Variants in SEMA5B observed in about 807,000 individuals in gnomAD.
The protein encoded by SEMA5B is semaphorin-5B.
SEMA5B carries 66 observed loss-of-function variants against 135.0 expected under a neutral mutation model. The ratio of observed to expected loss-of-function variants is 0.49; its 90% CI spans 0.40 to 0.60. The LOEUF (loss-of-function observed/expected upper bound fraction) is 0.60, where lower values mean the gene tolerates loss of function less well. Ranked by LOEUF, SEMA5B falls within the 20% of genes least tolerant of loss-of-function variation. The pLI is 0.00. For missense variants in SEMA5B, 1,501 were observed against 1,566.3 expected (o/e 0.96, Z 0.70); for synonymous variants, 690 against 639.5 (o/e 1.08, Z -1.19).
upstream of SEMA5B, among the ~76,000 whole-genome samples, chr3:123,028,139 G>A (rs534372322): frequency 3.6e-4 from 55 of 152,286 alleles, no homozygotes; most frequent in South Asian, 1.5e-3. Flanking sequence ...CCATCGGCGC[G>A]GCCTGCCCAC....
rs759584467 is a variant in SEMA5B, at chr3:122,916,180, G to C, written c.1689-290C>G. Among the ~76,000 whole-genome samples, 6 of 152,186 alleles carry C rather than the reference G, an allele frequency of 3.9e-5. 1 individual carries two copies. The highest frequency in any genetic ancestry group is 3.2e-3 in the Middle Eastern group (1 of 316). On this transcript the variant is annotated intron_variant, in intron 12 of 22. Transcript: ENST00000357599. ...CCAGGACTCAAACCCTCATCCTCCA[G>C]AGACTGCACGTTTAAAAGAGACGGC...
At chr3:122,954,325 G>T (rs1336055449) in intron 2 of SEMA5B, among the ~76,000 whole-genome samples, 1 of 152,228 alleles carries the variant, frequency 6.6e-6, no homozygotes, top group Non-Finnish European at 1.5e-5. Context: ...CCCTGTTCCA[G>T]CCCTTTCCTG....
At chr3:123,023,012 G>C (rs1457264084) in intron 1 of SEMA5B, among the ~76,000 whole-genome samples, 3 of 152,178 alleles carry the variant, frequency 2.0e-5, no homozygotes, top group Admixed American at 2.0e-4. Flanking sequence ...TTACCCATTA[G>C]AGGATCATCT....
intron 5 of SEMA5B, among the ~76,000 whole-genome samples, chr3:122,938,315 G>A (rs1016359208): frequency 3.3e-5 from 5 of 152,170 alleles, no homozygotes; most frequent in African/African-American, 4.8e-5. Context: ...TGGATAGAAG[G>A]ACAGATGGAC....
intron 2 of SEMA5B, among the ~76,000 whole-genome samples, chr3:122,960,007 C>T (rs1439749999): frequency 6.6e-6 from 1 of 152,190 alleles, no homozygotes; most frequent in East Asian, 1.9e-4. Flanking sequence ...GAGTAGCCTC[C>T]TTTTCCTCCT....
chr3:122,913,278 C>A lies in SEMA5B; in HGVS notation c.2427G>T (p.Pro809=), dbSNP rs767578964. The A allele has an allele frequency of 1.9e-6, 3 of 1,583,182 alleles. No homozygotes were observed. The Admixed American group carries it at 5.2e-5, about 27-fold the overall frequency. The change falls in exon 17 of 23, where the codon CCG becomes CCT. Residue 809 remains proline, a synonymous_variant. Transcript: ENST00000357599. The stretch of plus-strand genomic sequence containing the variant: ...TTCTCCTGCCGAACTGCAGGCCGTG[C>A]GGGTCTGCAAGGGGCGCGCGGCAGG... The part of the protein sequence containing the change: ...RFTCRAPLAD[P]HGLQFGRRRT...
At chr3:123,022,015 C>T (rs1027468570) in intron 1 of SEMA5B, among the ~76,000 whole-genome samples, 1 of 152,126 alleles carries the variant, frequency 6.6e-6, no homozygotes, top group African/African-American at 2.4e-5. Flanking sequence ...CACAAAGAAT[C>T]CACAGAAAAG....
rs1277731715 is a variant in SEMA5B at position 122,913,414 on chromosome 3, G to A, written c.2291C>T (p.Thr764Met). The change falls in exon 17 of 23, where the codon ACG (threonine) becomes ATG (methionine). Residue 764 changes from threonine to methionine, a missense_variant. This residue lies in a region of SEMA5B where 927 missense variants were observed against 881.6 expected (regional missense o/e 1.05). Coordinates refer to ENST00000357599, the MANE Select transcript of SEMA5B (RefSeq NM_001031702.4). ...TTCGGGGCAGCCCTCGGGGTTGCAC[G>A]TCTTGAACTCCTGCGGGTGGCGGCA... ...SCLGCGVEFK[T>M]CNPEGCPEVR... 3.2e-6 allele frequency: 5 copies of A among 1,570,884 alleles called. No individual in the cohort carries two copies. Among genetic ancestry groups the A allele is most frequent in the Non-Finnish European group, 4.3e-6 (5 of 1,162,428 alleles).
At chr3:122,920,487 G>A (rs895687358) in intron 12 of SEMA5B, among the ~76,000 whole-genome samples, 2 of 152,198 alleles carry the variant, frequency 1.3e-5, no homozygotes, top group Non-Finnish European at 2.9e-5. Flanking sequence ...CTAGGAGGCT[G>A]GAGGGCTCCT....
chr3:123,002,651 T>C (rs536814543), intron 1 of SEMA5B, among the ~76,000 whole-genome samples: 3 of 152,222 alleles, frequency 2.0e-5, no homozygotes, highest in Non-Finnish European at 2.9e-5. Context: ...AAGTAGCCTC[T>C]TGAAGCCCCG....
chr3:122,995,412 C>CT (rs1942001167), intron 1 of SEMA5B, among the ~76,000 whole-genome samples: 1 of 152,172 alleles, frequency 6.6e-6, no homozygotes, highest in Non-Finnish European at 1.5e-5. Flanking sequence ...ACCAACAGCC[C>CT]CTGGGATGAC....
In SEMA5B at chr3:122,926,429, C is replaced by T. The variant is rs1297655516; in HGVS notation, c.1099G>A (p.Glu367Lys). 2 of 1,613,970 alleles carry T rather than the reference C, an allele frequency of 1.2e-6. No homozygotes were observed. Among genetic ancestry groups the T allele is most frequent in the Non-Finnish European group, 1.7e-6 (2 of 1,179,992 alleles). The change falls in exon 9 of 23, where the codon GAG becomes AAG. Residue 367 changes from glutamate to lysine, a missense_variant. This residue lies in a region of SEMA5B where 574 missense variants were observed against 684.7 expected (regional missense o/e 0.84). Coordinates refer to ENST00000357599, the MANE Select transcript of SEMA5B (RefSeq NM_001031702.4). ...AAAACTCCATAGATGAGGTCCTGCT[C>T]CGGCAAGTGGAAGGCACTCTGCAGC... The part of the protein sequence containing the change: ...NELQSAFHLP[E>K]QDLIYGVFTT...
At chr3:122,989,841 G>C (rs952690771) in intron 1 of SEMA5B, among the ~76,000 whole-genome samples, 3 of 152,174 alleles carry the variant, frequency 2.0e-5, no homozygotes, top group African/African-American at 7.2e-5. Flanking sequence ...AGAGGAGAAG[G>C]GTGAAGACTC....
chr3:122,923,875 G>A, intron 9 of SEMA5B, 123 bp from the exon 10 acceptor site: 1 of 922,806 alleles, frequency 1.1e-6, no homozygotes, highest in Non-Finnish European at 1.6e-6. Flanking sequence ...GATGTGTCTG[G>A]CACATGGGGG....
At chr3:122,928,741 A>C (rs907440742) in intron 6 of SEMA5B, 126 bp from the exon 7 acceptor site, 2 of 783,932 alleles carry the variant, frequency 2.6e-6, no homozygotes, top group African/African-American at 1.7e-5. Context: ...CCCCAGATCC[A>C]CCTGTCCCGA....
At chr3:122,914,804 T>G (rs1488997099) in intron 14 of SEMA5B, among the ~76,000 whole-genome samples, 1 of 152,118 alleles carries the variant, frequency 6.6e-6, no homozygotes, top group East Asian at 1.9e-4. Flanking sequence ...GGGTATGGTG[T>G]GGGCACCTGT....
In SEMA5B at chr3:122,926,525, T is replaced by G. The variant is rs747002659; in HGVS notation, c.1003A>C (p.Thr335Pro). 1 of 1,614,270 alleles carries G rather than the reference T, an allele frequency of 6.2e-7. No homozygotes were observed. The highest frequency in any genetic ancestry group is 8.5e-7 in the Non-Finnish European group (1 of 1,180,052). ...CGGGCCTTCATGAATGTGGTCCATG[T>G]GTCCTCCAGCAGGAATCGGCCCCCC... Reference protein sequence around the residue: ...DVGGRFLLEDTWTTFMKARLN... With the variant: ...DVGGRFLLEDPWTTFMKARLN... The change falls in exon 9 of 23, where the codon ACA (threonine) becomes CCA (proline). Residue 335 changes from threonine (T) to proline (P), a missense_variant. Around this residue, in one of 2 missense-constraint regions of SEMA5B, gnomAD observed 574 missense variants for 684.7 expected, o/e 0.84. Transcript: ENST00000357599.
intron 1 of SEMA5B, among the ~76,000 whole-genome samples, chr3:123,014,060 C>A (rs547978022): frequency 6.6e-6 from 1 of 152,316 alleles, no homozygotes; most frequent in African/African-American, 2.4e-5. Context: ...TTGGCCGGGA[C>A]ACACATCTAG....
chr3:122,995,202 G>A (rs568590412), intron 1 of SEMA5B, among the ~76,000 whole-genome samples: 2 of 152,294 alleles, frequency 1.3e-5, no homozygotes, highest in South Asian at 4.1e-4. Context: ...GGAGAGAGCT[G>A]CTTGCCTGGG....
Sources: gnomAD v4.1 joint callset for allele counts (sites outside exome capture counted in the v4.1 genomes callset) on GRCh38, gnomAD v4.1.1 for gene constraint, gnomAD v4.1.1 regional missense constraint, MANE v1.5 for transcripts, NCBI Gene and HGNC (gene_info 2026-07-23, HGNC 2026-07-21) for gene names.